Variants in ATRNL1 observed in about 807,000 individuals in gnomAD.
The protein encoded by ATRNL1 is attractin like 1, also known as attractin-like protein 1.
Under a neutral mutation model 182.7 loss-of-function variants are expected in ATRNL1, and 95 were observed. The observed-to-expected ratio is 0.52, with a 90% CI of 0.44 to 0.62. ATRNL1 has a LOEUF of 0.62. ATRNL1 is among the 20% of genes least tolerant of loss of function. The pLI is 0.00. For synonymous variants in ATRNL1, 576 were observed against 568.3 expected (o/e 1.01, Z -0.19); for missense variants, 1,471 against 1,679.5 (o/e 0.88, Z 2.17).
intron 7 of ATRNL1, among the ~76,000 whole-genome samples, chr10:115,170,744 C>A (rs2144088008): frequency 6.6e-6 from 1 of 152,112 alleles, no homozygotes; most frequent in African/African-American, 2.4e-5. Flanking sequence ...GTTTAGTGTT[C>A]TCTTACTGTA....
chr10:115,120,316 T>A, intron 2 of ATRNL1, 48 bp downstream of exon 2: 1 of 994,204 alleles, frequency 1.0e-6, no homozygotes, highest in Non-Finnish European at 1.5e-6. Flanking sequence ...TCTTAAATGA[T>A]AAAGGTGATC....
chr10:115,323,738 C>T (rs1173985007), intron 18 of ATRNL1, among the ~76,000 whole-genome samples: 2 of 151,356 alleles, frequency 1.3e-5, no homozygotes, highest in African/African-American at 2.4e-5. Flanking sequence ...GCCACCGTGC[C>T]TGGCCCGTTA....
chr10:115,611,804 G>C (rs546383228), intron 26 of ATRNL1, among the ~76,000 whole-genome samples: 7 of 151,924 alleles, frequency 4.6e-5, no homozygotes, highest in Non-Finnish European at 8.8e-5. Flanking sequence ...TTTTATTGAC[G>C]GGATGTGTTA....
chr10:115,163,258 A>C (rs1846882701), intron 6 of ATRNL1, among the ~76,000 whole-genome samples: 1 of 151,446 alleles, frequency 6.6e-6, no homozygotes, highest in African/African-American at 2.4e-5. Flanking sequence ...GGGCCTGGAA[A>C]CTAAGAATTT....
At chr10:115,415,168 G>T (rs1845329653) in intron 20 of ATRNL1, among the ~76,000 whole-genome samples, 1 of 151,910 alleles carries the variant, frequency 6.6e-6, no homozygotes. Flanking sequence ...GCCCACATGG[G>T]ATGGCCTATT....
intron 4 of ATRNL1, 125 bp downstream of exon 4, chr10:115,127,846 T>C: frequency 1.6e-6 from 1 of 615,030 alleles, no homozygotes; most frequent in Non-Finnish European, 2.5e-6. Context: ...AAATTTCAAA[T>C]TAGTAGGCAG....
In ATRNL1 at chr10:115,241,721, C is replaced by T. The variant is rs374321022; in HGVS notation, c.1683C>T (p.Asp561=). The part of the protein sequence containing the change: ...KCFSADFLAY[D]IACDEWKILP... ...TTTCTGCCGATTTCCTGGCATATGACATAGGTATGTATCTGTTAGGATTGT... is the reference window on the plus strand; with the variant it reads ...TTTCTGCCGATTTCCTGGCATATGATATAGGTATGTATCTGTTAGGATTGT... The change falls in exon 10 of 29, where the codon GAC becomes GAT. Residue 561 remains aspartate, a synonymous_variant. Transcript: ENST00000355044. The T allele has an allele frequency of 9.3e-6, 15 of 1,607,968 alleles. No individual in the cohort carries two copies. Among genetic ancestry groups the T allele is most frequent in the Non-Finnish European group, 9.4e-6 (11 of 1,175,854 alleles).
At chr10:115,188,254 A>C (rs1848031518) in intron 8 of ATRNL1, among the ~76,000 whole-genome samples, 1 of 152,124 alleles carries the variant, frequency 6.6e-6, no homozygotes, top group Non-Finnish European at 1.5e-5. Context: ...GAAGTAGATA[A>C]ATGTTTTTTC....
intron 26 of ATRNL1, among the ~76,000 whole-genome samples, chr10:115,605,212 C>T (rs1425189593): frequency 6.6e-6 from 1 of 152,060 alleles, no homozygotes. Flanking sequence ...CAAAGTTTTT[C>T]TGCATCCAGT....
chr10:115,868,868 C>A (rs1252258390), intron 28 of ATRNL1, among the ~76,000 whole-genome samples: 32 of 112,720 alleles, frequency 2.8e-4, no homozygotes, highest in Non-Finnish European at 5.3e-4. Context: ...CTCGCTCTGT[C>A]GCCCAGGCTG....
At chr10:115,306,317 T>G (rs570438100) in intron 17 of ATRNL1, among the ~76,000 whole-genome samples, 35 of 152,334 alleles carry the variant, frequency 2.3e-4, no homozygotes, top group African/African-American at 6.5e-4. Context: ...GTATTCCAAA[T>G]AATTTTTTCC....
intron 15 of ATRNL1, 123 bp from the exon 16 acceptor site, chr10:115,299,911 T>G (rs1369953298): frequency 3.0e-6 from 2 of 671,568 alleles, no homozygotes; most frequent in African/African-American, 3.6e-5. Flanking sequence ...CTAAAACTCA[T>G]TAGAAAGGCA....
chr10:115,767,523 A>G (rs1555075319), intron 27 of ATRNL1, among the ~76,000 whole-genome samples: 2 of 152,058 alleles, frequency 1.3e-5, no homozygotes. Flanking sequence ...GTGCCACATC[A>G]AATCCAAATT....
intron 21 of ATRNL1, among the ~76,000 whole-genome samples, chr10:115,435,516 A>G (rs1325043184): frequency 3.3e-5 from 5 of 152,336 alleles, no homozygotes; most frequent in South Asian, 4.1e-4. Flanking sequence ...ATTATAAATT[A>G]CCCAGTATGT....
At chr10:115,157,357 T>C (rs540426093) in intron 5 of ATRNL1, among the ~76,000 whole-genome samples, 1 of 152,252 alleles carries the variant, frequency 6.6e-6, no homozygotes, top group South Asian at 2.1e-4. Context: ...AGTTAATTAG[T>C]ATACATTTTA....
At chr10:115,746,300 T>G (rs1243739484) in intron 27 of ATRNL1, among the ~76,000 whole-genome samples, 1 of 152,110 alleles carries the variant, frequency 6.6e-6, no homozygotes, top group Non-Finnish European at 1.5e-5. Flanking sequence ...ATGTTTAAAT[T>G]TTTAAACTTT....
intron 24 of ATRNL1, among the ~76,000 whole-genome samples, chr10:115,507,675 T>C (rs1850182545): frequency 6.6e-6 from 1 of 152,108 alleles, no homozygotes; most frequent in Non-Finnish European, 1.5e-5. Context: ...TCAGTTAATG[T>C]ACGAAAAGTA....
chr10:115,467,268 T>C lies in ATRNL1; in HGVS notation c.3496+16T>C. On this transcript the variant is annotated intron_variant, in intron 23 of 28. Coordinates refer to ENST00000355044, the MANE Select transcript of ATRNL1 (RefSeq NM_207303.4). ...GGTTCAACAGGTAAAAAAATGTTGA[T>C]GTCATATCTCTTTTACATGTGTTCC... 3 of 1,566,946 alleles carry C rather than the reference T, an allele frequency of 1.9e-6. No homozygotes were observed. Among genetic ancestry groups the C allele is most frequent in the Non-Finnish European group, 1.7e-6 (2 of 1,143,312 alleles).
intron 9 of ATRNL1, among the ~76,000 whole-genome samples, chr10:115,236,821 T>C (rs1850206163): frequency 6.6e-6 from 1 of 152,330 alleles, no homozygotes; most frequent in South Asian, 2.1e-4. Context: ...TTTTCACAAA[T>C]GTATAGTGAC....
Sources: gnomAD v4.1 joint callset for allele counts (sites outside exome capture counted in the v4.1 genomes callset) on GRCh38, gnomAD v4.1.1 for gene constraint, MANE v1.5 for transcripts, NCBI Gene and HGNC (gene_info 2026-07-23, HGNC 2026-07-21) for gene names.